Variants in PLCB1 observed in about 807,000 individuals in gnomAD.
The protein encoded by PLCB1 is 1-phosphatidylinositol 4,5-bisphosphate phosphodiesterase beta-1.
In PLCB1, 46 loss-of-function variants were observed where a neutral mutation model predicts 161.8. The observed-to-expected ratio is 0.28, with a 90% CI of 0.22 to 0.36. PLCB1 has a LOEUF of 0.36. Among genes scored for constraint, PLCB1 ranks in the 10% least tolerant of loss-of-function variants. The pLI, the probability that PLCB1 is intolerant of heterozygous loss-of-function variation, is 1.00. For synonymous variants in PLCB1, 517 were observed against 503.7 expected (o/e 1.03, Z -0.35); for missense variants, 1,016 against 1,472.5 (o/e 0.69, Z 5.07).
At chr20:8,213,361 A>G (rs1978936261) in intron 2 of PLCB1, among the ~76,000 whole-genome samples, 1 of 152,158 alleles carries the variant, frequency 6.6e-6, no homozygotes, top group South Asian at 2.1e-4. Context: ...GGAAAAGCTC[A>G]CTGGGAAGTG....
At chr20:8,690,364 C>T (rs1211014733) in intron 10 of PLCB1, among the ~76,000 whole-genome samples, 1 of 152,080 alleles carries the variant, frequency 6.6e-6, no homozygotes, top group East Asian at 1.9e-4. Context: ...ATCAGTCTCT[C>T]TGATAATCCA....
intron 3 of PLCB1, among the ~76,000 whole-genome samples, chr20:8,557,541 G>A (rs1286094707): frequency 2.6e-5 from 4 of 151,942 alleles, no homozygotes; most frequent in African/African-American, 9.7e-5. Flanking sequence ...TCATCAGAGA[G>A]AAGTATAAGT....
At chr20:8,476,032 G>A (rs1179560403) in intron 3 of PLCB1, among the ~76,000 whole-genome samples, 2 of 152,188 alleles carry the variant, frequency 1.3e-5, no homozygotes, top group African/African-American at 4.8e-5. Flanking sequence ...GGATGCAGAT[G>A]TCATTGCTCT....
At chr20:8,525,446 A>T (rs1473393835) in intron 3 of PLCB1, among the ~76,000 whole-genome samples, 2 of 152,190 alleles carry the variant, frequency 1.3e-5, no homozygotes, top group Non-Finnish European at 2.9e-5. Context: ...TTTGGTGTTG[A>T]TAAGGCCAAG....
intron 11 of PLCB1, among the ~76,000 whole-genome samples, chr20:8,703,354 C>A (rs1783529447): frequency 6.6e-6 from 1 of 152,174 alleles, no homozygotes; most frequent in Admixed American, 6.5e-5. Flanking sequence ...AGCTTTCTTT[C>A]TGTAAATATA....
chr20:8,771,634 G>T (rs1390993716), intron 26 of PLCB1, among the ~76,000 whole-genome samples: 3 of 152,068 alleles, frequency 2.0e-5, no homozygotes, highest in Non-Finnish European at 4.4e-5. Flanking sequence ...AAGATGCAGA[G>T]ACGTTGTTCA....
chr20:8,839,891 C>T (rs1459543460), intron 31 of PLCB1, among the ~76,000 whole-genome samples: 2 of 151,924 alleles, frequency 1.3e-5, no homozygotes, highest in African/African-American at 2.4e-5. Context: ...ATTATCTGGG[C>T]GTGGTGGCAC....
chr20:8,673,779 C>A (rs1990006786), intron 9 of PLCB1, among the ~76,000 whole-genome samples: 1 of 152,142 alleles, frequency 6.6e-6, no homozygotes, highest in East Asian at 1.9e-4. Flanking sequence ...TATTTGGGGA[C>A]AAAATAATCA....
At chr20:8,657,373 G>A (rs1989491106) in intron 8 of PLCB1, 89 bp downstream of exon 8, 4 of 787,286 alleles carry the variant, frequency 5.1e-6, no homozygotes, top group Non-Finnish European at 9.2e-6. Context: ...AATTGGAGAT[G>A]GAAGAACATC....
chr20:8,301,276 A>C (rs1031662049), intron 2 of PLCB1, among the ~76,000 whole-genome samples: 6 of 152,186 alleles, frequency 3.9e-5, no homozygotes, highest in African/African-American at 1.4e-4. Flanking sequence ...TATAGTGCAA[A>C]GAAAAGAAGC....
chr20:8,182,820 A>G (rs1171173112), intron 2 of PLCB1, among the ~76,000 whole-genome samples: 5 of 152,010 alleles, frequency 3.3e-5, no homozygotes, highest in South Asian at 2.1e-4. Context: ...ACCTGAAGCA[A>G]TCCGCCCACC....
At chr20:8,519,275 A>G (rs963490515) in intron 3 of PLCB1, among the ~76,000 whole-genome samples, 7 of 152,116 alleles carry the variant, frequency 4.6e-5, no homozygotes, top group African/African-American at 1.7e-4. Flanking sequence ...GGTGAATACT[A>G]TAGAGGAGTA....
At chr20:8,715,585 C>A (rs538280094) in intron 12 of PLCB1, among the ~76,000 whole-genome samples, 1 of 152,194 alleles carries the variant, frequency 6.6e-6, no homozygotes, top group African/African-American at 2.4e-5. Flanking sequence ...TCCCTACTGG[C>A]AATATATTCA....
chr20:8,618,556 C>A (rs1228579087), intron 3 of PLCB1, among the ~76,000 whole-genome samples: 1 of 151,900 alleles, frequency 6.6e-6, no homozygotes, highest in Non-Finnish European at 1.5e-5. Flanking sequence ...ATAGCTTTTA[C>A]AATCATATAA....
At chr20:8,444,467 G>T (rs1980720648) in intron 3 of PLCB1, among the ~76,000 whole-genome samples, 2 of 152,142 alleles carry the variant, frequency 1.3e-5, no homozygotes, top group Non-Finnish European at 2.9e-5. Flanking sequence ...ATTTGGGTTG[G>T]TTCCAAGTCT....
intron 2 of PLCB1, among the ~76,000 whole-genome samples, chr20:8,326,892 T>G (rs1451408267): frequency 6.6e-6 from 1 of 152,204 alleles, no homozygotes; most frequent in Non-Finnish European, 1.5e-5. Flanking sequence ...GGAGGTTTTT[T>G]GTTTTTTGTT....
chr20:8,858,908 T>C lies in PLCB1; in HGVS notation c.3424-22714T>C, dbSNP rs868284279. 5.3e-4 allele frequency among the ~76,000 whole-genome samples: 50 copies of C among 95,138 alleles called. 1 individual carries two copies. The Middle Eastern group carries it at 0.059, about 113-fold the overall frequency. 62.4% of individuals were successfully genotyped at this position (95,138 alleles called of 152,430 possible). On this transcript the variant is annotated intron_variant, in intron 31 of 31. Transcript: ENST00000338037. ...TGTTCTCAAACTCTGGCAATTTGAGTGTGCAAAAAAAAAAAAAAAAAAAAT... is the reference window on the plus strand; with the variant it reads ...TGTTCTCAAACTCTGGCAATTTGAGCGTGCAAAAAAAAAAAAAAAAAAAAT...
At chr20:8,878,248 G>A (rs1005638290) in intron 31 of PLCB1, among the ~76,000 whole-genome samples, 3 of 152,088 alleles carry the variant, frequency 2.0e-5, no homozygotes, top group African/African-American at 7.2e-5. Context: ...CTTAAAACAG[G>A]CTCACTTGCT....
intron 3 of PLCB1, among the ~76,000 whole-genome samples, chr20:8,512,525 CTT>C (rs1983931250): frequency 6.6e-6 from 1 of 151,926 alleles, no homozygotes; most frequent in Non-Finnish European, 1.5e-5. Flanking sequence ...GTCAAAATCT[CTT>C]TCCTTTTTTT....
Sources: gnomAD v4.1 joint callset for allele counts (sites outside exome capture counted in the v4.1 genomes callset) on GRCh38, gnomAD v4.1.1 for gene constraint, MANE v1.5 for transcripts, NCBI Gene and HGNC (gene_info 2026-07-23, HGNC 2026-07-21) for gene names.